Variants in RGS21 observed in about 807,000 individuals in gnomAD.
The protein encoded by RGS21 is regulator of G-protein signalling 21.
In RGS21, 19 loss-of-function variants were observed where a neutral mutation model predicts 18.7. That is an observed-to-expected ratio of 1.01 (90% CI 0.71 to 1.49). The LOEUF (loss-of-function observed/expected upper bound fraction) is 1.49. Among genes scored for constraint, RGS21 ranks in the 40% most tolerant of loss-of-function variants. The pLI is 0.00. For synonymous variants in RGS21, 56 were observed against 57.8 expected, an observed-to-expected ratio of 0.97 and a Z score of 0.14; for missense variants, 194 against 176.8, an observed-to-expected ratio of 1.10 and a Z score of -0.55.
chr1:192,327,209 A>T (rs964818199), intron 1 of RGS21, among the ~76,000 whole-genome samples: 1 of 152,130 alleles, frequency 6.6e-6, no homozygotes, highest in Non-Finnish European at 1.5e-5. Flanking sequence ...TATGGGTATT[A>T]CCAGGTGGCA....
intron 1 of RGS21, among the ~76,000 whole-genome samples, chr1:192,331,445 G>C (rs1658647511): frequency 1.3e-5 from 2 of 152,016 alleles, no homozygotes; most frequent in African/African-American, 4.8e-5. Context: ...TACTTGGGAG[G>C]CTGAGGCAGG....
chr1:192,354,554 C>G (rs1372412459), intron 4 of RGS21, among the ~76,000 whole-genome samples: 1 of 151,612 alleles, frequency 6.6e-6, no homozygotes, highest in Non-Finnish European at 1.5e-5. Flanking sequence ...TCTAGATATA[C>G]TCAGTAGGCA....
intron 4 of RGS21, among the ~76,000 whole-genome samples, chr1:192,354,698 T>A (rs1042024469): frequency 6.6e-6 from 1 of 151,772 alleles, no homozygotes; most frequent in African/African-American, 2.4e-5. Flanking sequence ...TCTGTAGTTA[T>A]ATAACAGACT....
intron 1 of RGS21, among the ~76,000 whole-genome samples, chr1:192,324,957 T>C (rs958903645): frequency 3.3e-5 from 5 of 152,108 alleles, no homozygotes; most frequent in Non-Finnish European, 7.4e-5. Context: ...ATCCTTTTGG[T>C]GATAACAGAG....
intron 3 of RGS21, among the ~76,000 whole-genome samples, chr1:192,348,085 G>A (rs1001941430): frequency 2.0e-5 from 3 of 151,022 alleles, no homozygotes; most frequent in Non-Finnish European, 4.4e-5. Context: ...GAGTGTAGTG[G>A]TGTGATCTCT....
chr1:192,336,362 G>A (rs554317200), intron 1 of RGS21, among the ~76,000 whole-genome samples: 25 of 152,166 alleles, frequency 1.6e-4, no homozygotes, highest in Non-Finnish European at 1.2e-4. Context: ...GGCTGAGGCC[G>A]GAGAATCGCT....
intron 1 of RGS21, among the ~76,000 whole-genome samples, chr1:192,337,187 G>A (rs1016711357): frequency 7.9e-5 from 12 of 151,806 alleles, no homozygotes; most frequent in African/African-American, 2.2e-4. Flanking sequence ...TCAGTGCCCC[G>A]AAATATTAAG....
chr1:192,356,841 A>C (rs969472059), intron 4 of RGS21, among the ~76,000 whole-genome samples: 1 of 151,788 alleles, frequency 6.6e-6, no homozygotes, highest in Non-Finnish European at 1.5e-5. Context: ...CTGTTAGCCA[A>C]CAGTGCTCCC....
chr1:192,352,033 CAT>C lies in RGS21; in HGVS notation c.89-9_89-8del. 2 of 1,533,550 alleles carry C rather than the reference CAT, an allele frequency of 1.3e-6. No homozygotes were observed. Among genetic ancestry groups the C allele is most frequent in the Non-Finnish European group, 1.8e-6 (2 of 1,136,750 alleles). 95.0% of individuals were successfully genotyped at this position (1,533,550 alleles called of 1,614,324 possible). ...TATGCTATTATACAAAACTTTTTCT[CAT>C]ATATTTTATAGCTGGTCTAGATGCT... On this transcript the variant is annotated splice_polypyrimidine_tract_variant and intron_variant, in intron 3 of 4. Coordinates refer to ENST00000417209, the MANE Select transcript of RGS21 (RefSeq NM_001039152.3).
chr1:192,322,016 T>A (rs2102220870), intron 1 of RGS21, among the ~76,000 whole-genome samples: 1 of 152,262 alleles, frequency 6.6e-6, no homozygotes, highest in South Asian at 2.1e-4. Context: ...TAATATCTTT[T>A]AAACACACAA....
Position 192,366,266 on chromosome 1 carries a change from A to G in RGS21, c.*142A>G. ...CAGATGAATAACGTTTTATACAACA[A>G]GCCTGAATTTCTAACTCAGTTGTTT... On this transcript the variant is annotated 3_prime_UTR_variant, in exon 5 of 5. Coordinates refer to ENST00000417209, the MANE Select transcript of RGS21 (RefSeq NM_001039152.3). 3.3e-6 allele frequency: 2 copies of G among 612,750 alleles called. No homozygotes were observed. Among genetic ancestry groups the G allele is most frequent in the Non-Finnish European group, 5.7e-6 (2 of 351,428 alleles). The allele number at this position is 612,750 out of a possible 1,614,324, so 38.0% of individuals were successfully genotyped here.
chr1:192,356,591 T>G (rs1008738830), intron 4 of RGS21, among the ~76,000 whole-genome samples: 1 of 151,808 alleles, frequency 6.6e-6, no homozygotes, highest in African/African-American at 2.4e-5. Context: ...CATATTGAGA[T>G]AAGACCTTCA....
chr1:192,321,349 C>A (rs1658496124), intron 1 of RGS21, among the ~76,000 whole-genome samples: 1 of 151,894 alleles, frequency 6.6e-6, no homozygotes, highest in Non-Finnish European at 1.5e-5. Flanking sequence ...ATAAAATGAT[C>A]TAATTTATAA....
chr1:192,351,323 G>A lies in RGS21; in HGVS notation c.89-724G>A, dbSNP rs75090955. On this transcript the variant is annotated intron_variant, in intron 3 of 4. Coordinates refer to ENST00000417209, the MANE Select transcript of RGS21 (RefSeq NM_001039152.3). ...CAGTTACTTTCTTGGTTTTGAGATCGAGTTGGCCTATATATTTATCCAAAA... is the reference window on the plus strand; with the variant it reads ...CAGTTACTTTCTTGGTTTTGAGATCAAGTTGGCCTATATATTTATCCAAAA... Among the ~76,000 whole-genome samples the A allele has an allele frequency of 4.2e-3, 644 of 152,162 alleles. 12 individuals are homozygous for A. The highest frequency in any genetic ancestry group is 0.013 in the African/African-American group (556 of 41,556).
chr1:192,346,818 C>T (rs566120480), intron 2 of RGS21, among the ~76,000 whole-genome samples: 3 of 152,134 alleles, frequency 2.0e-5, no homozygotes, highest in Non-Finnish European at 4.4e-5. Flanking sequence ...TGAAATATTA[C>T]GAACAAAATG....
intron 3 of RGS21, among the ~76,000 whole-genome samples, chr1:192,347,625 T>A (rs1485870534): frequency 6.6e-6 from 1 of 152,040 alleles, no homozygotes; most frequent in African/African-American, 2.4e-5. Context: ...CAAGTGAAAT[T>A]TTCCATTGCC....
chr1:192,356,188 A>G (rs1185187070), intron 4 of RGS21, among the ~76,000 whole-genome samples: 2 of 151,796 alleles, frequency 1.3e-5, no homozygotes, highest in Admixed American at 6.6e-5. Flanking sequence ...TTGGCTTCTT[A>G]CTTTTATTTG....
intron 4 of RGS21, among the ~76,000 whole-genome samples, chr1:192,358,116 GATTTCA>G (rs1429507412): frequency 2.0e-5 from 3 of 151,952 alleles, no homozygotes; most frequent in Non-Finnish European, 4.4e-5. Flanking sequence ...TACACGTTAT[GATTTCA>G]TATGTGTCAT....
Position 192,342,996 on chromosome 1 carries a change from G to C in RGS21, c.-41G>C. 3 of 1,609,638 alleles carry C rather than the reference G, an allele frequency of 1.9e-6. No homozygotes were observed. Among genetic ancestry groups the C allele is most frequent in the East Asian group, 4.5e-5 (2 of 44,788 alleles). On this transcript the variant is annotated 5_prime_UTR_variant, in exon 2 of 5. Transcript: ENST00000417209. Reference sequence around the variant, plus strand: ...CTTCAGCTTGAAGATCAGTCAGAAAGAGAAACTCGGCATCATCTGTGACAG... The same window carrying C: ...CTTCAGCTTGAAGATCAGTCAGAAACAGAAACTCGGCATCATCTGTGACAG...
Sources: gnomAD v4.1 joint callset for allele counts (sites outside exome capture counted in the v4.1 genomes callset) on GRCh38, gnomAD v4.1.1 for gene constraint, MANE v1.5 for transcripts, NCBI Gene and HGNC (gene_info 2026-07-23, HGNC 2026-07-21) for gene names.